GSTT2B: variants seen among roughly 807,000 people sequenced by gnomAD.
The protein encoded by GSTT2B is glutathione S-transferase theta-2B.
A neutral mutation model predicts 16.6 loss-of-function variants in GSTT2B; 4 were observed. The ratio of observed to expected loss-of-function variants is 0.24; its 90% CI spans 0.12 to 0.55. The LOEUF is 0.55. Ranked by LOEUF, GSTT2B falls within the 20% of genes least tolerant of loss-of-function variation. The pLI is 0.94. For synonymous variants in GSTT2B, 9 were observed against 110.9 expected, an observed-to-expected ratio of 0.08 and a Z score of 5.77; for missense variants, 27 against 266.1, an observed-to-expected ratio of 0.10 and a Z score of 6.25.
intron 2 of GSTT2B, among the ~76,000 whole-genome samples, 200 bp downstream of exon 2, chr22:23,960,094 T>C (rs1237682094): frequency 2.0e-5 from 3 of 149,464 alleles, no homozygotes; most frequent in Non-Finnish European, 4.5e-5. Context: ...CTCGGTCTCC[T>C]GACCTCGTGA....
At position 23,959,588 on chromosome 22, in the gene GSTT2B, C is replaced by T. The variant is rs1489740398; in HGVS notation, c.200+706G>A. Among the ~76,000 whole-genome samples the T allele has an allele frequency of 9.9e-5, 10 of 101,244 alleles. 1 individual carries two copies. Among genetic ancestry groups the T allele is most frequent in the African/African-American group, 3.1e-4 (10 of 32,660 alleles). The allele number at this position is 101,244 out of a possible 152,430, so 66.4% of individuals were successfully genotyped here. A position where few individuals can be genotyped will look rare whatever the true frequency, so the allele number is the denominator to read the frequency against. On this transcript the variant is annotated intron_variant, in intron 2 of 4. Transcript: ENST00000290765. ...TTTTTGAGACGGAGTCTCCCTCTGT[C>T]GCCCAGGCTGGAGTGGGCTCCCTCT...
chr22:23,960,639 G>A (rs1230018633), intron 1 of GSTT2B, among the ~76,000 whole-genome samples: 3 of 104,522 alleles, frequency 2.9e-5, no homozygotes, highest in Non-Finnish European at 6.8e-5. Context: ...GTGGGCCAGG[G>A]GAGGGGAGGC....
intron 2 of GSTT2B, among the ~76,000 whole-genome samples, 187 bp downstream of exon 2, chr22:23,960,107 C>T (rs1361908468): frequency 4.0e-5 from 6 of 149,270 alleles, no homozygotes; most frequent in African/African-American, 1.2e-4. Context: ...CCTCGTGATC[C>T]GCCCGCCTTG....
At chr22:23,960,790 C>T (rs2146205219) in intron 1 of GSTT2B, among the ~76,000 whole-genome samples, 1 of 138,236 alleles carries the variant, frequency 7.2e-6, no homozygotes, top group Non-Finnish European at 1.6e-5. Context: ...ATTTTCTTTC[C>T]ATCCCTACAG....
At position 23,960,573 on chromosome 22, in the gene GSTT2B, G is replaced by C. The variant is rs1225953026; in HGVS notation, c.113-192C>G. Among the ~76,000 whole-genome samples, 120 of 93,862 alleles carry C rather than the reference G, an allele frequency of 1.3e-3. 1 individual carries two copies. The highest frequency in any genetic ancestry group is 3.6e-3 in the African/African-American group (112 of 31,406). The allele number at this position is 93,862 out of a possible 152,430, so 61.6% of individuals were successfully genotyped here. On this transcript the variant is annotated intron_variant, in intron 1 of 4. Transcript: ENST00000290765. ...ATTCCGGGGCAGCTGGGGGGCTTTG[G>C]TGGGTGGGGCCAGGTGCAGCAGGTG...
At chr22:23,959,709 C>T (rs1322234897) in intron 2 of GSTT2B, among the ~76,000 whole-genome samples, 1 of 102,492 alleles carries the variant, frequency 9.8e-6, no homozygotes, top group African/African-American at 3.0e-5. Flanking sequence ...TCCCCAGTAG[C>T]TGGGACTACA....
chr22:23,959,659 G>T (rs1379578833), intron 2 of GSTT2B, among the ~76,000 whole-genome samples: 1 of 103,344 alleles, frequency 9.7e-6, no homozygotes, highest in Non-Finnish European at 2.3e-5. Flanking sequence ...CTCATTGCAA[G>T]CTCCGCCTCC....
rs1470343578 is a variant in GSTT2B at position 23,960,817 on chromosome 22, ATCC to A, written c.112+200_112+202del. 1.4e-5 allele frequency among the ~76,000 whole-genome samples: 2 copies of A among 145,534 alleles called. 1 individual carries two copies. The highest frequency in any genetic ancestry group is 3.1e-5 in the Non-Finnish European group (2 of 65,278). ...TCCCTACAGAGCAGAAGGTAACATT[ATCC>A]TCCTTTTCAGAAGGCAAGCTAAGGT... On this transcript the variant is annotated intron_variant, in intron 1 of 4. Transcript: ENST00000290765.
chr22:23,961,041 G>C lies in GSTT2B; in HGVS notation c.91C>G (p.Arg31Gly). 1 of 553,302 alleles carries C rather than the reference G, an allele frequency of 1.8e-6. No individual in the cohort carries two copies. Among genetic ancestry groups the C allele is most frequent in the East Asian group, 3.2e-5 (1 of 31,050 alleles). 34.3% of individuals were successfully genotyped at this position (553,302 alleles called of 1,614,324 possible). A position where few individuals can be genotyped will look rare whatever the true frequency, so the allele number is the denominator to read the frequency against. ...AKKNGIPLEL[R>G]TVDLVKGQHK... ...CCACCTTTGACCAAATCCACGGTGC[G>C]CAGCTCTAAGGGGATGCCATTCTTC... The change falls in exon 1 of 5, where the codon CGC becomes GGC. Residue 31 changes from arginine to glycine, a missense_variant. Transcript: ENST00000290765.
chr22:23,959,572 C>T (rs1442770270), intron 2 of GSTT2B, among the ~76,000 whole-genome samples: 2 of 100,674 alleles, frequency 2.0e-5, no homozygotes, highest in African/African-American at 3.1e-5. Context: ...TTTTTTGAGA[C>T]GGAGTCTCCC....
intron 2 of GSTT2B, among the ~76,000 whole-genome samples, chr22:23,959,708 G>A (rs571797617): frequency 2.0e-5 from 2 of 102,560 alleles, no homozygotes; most frequent in East Asian, 5.3e-4. Flanking sequence ...CTCCCCAGTA[G>A]CTGGGACTAC....
At chr22:23,960,217 CTGGGGCCCGGGGCCAG>C (rs1465130793) in intron 2 of GSTT2B, 61 bp downstream of exon 2, 1 of 1,456,578 alleles carries the variant, frequency 6.9e-7, no homozygotes, top group Non-Finnish European at 9.5e-7. Flanking sequence ...GGGAGGGCCA[CTGGGGCCCGGGGCCAG>C]TGGGGAGAGC....
At chr22:23,960,623 A>G (rs1204882549) in intron 1 of GSTT2B, among the ~76,000 whole-genome samples, 3 of 101,288 alleles carry the variant, frequency 3.0e-5, no homozygotes, top group African/African-American at 8.9e-5. Flanking sequence ...TTCTAGCCGG[A>G]CTCTGGTGGG....
At chr22:23,960,416 T>G in intron 1 of GSTT2B, 35 bp from the exon 2 acceptor site, 1 of 1,572,012 alleles carries the variant, frequency 6.4e-7, no homozygotes, top group East Asian at 2.3e-5. Flanking sequence ...GTCTTCAGAA[T>G]AAAAACGCTG....
In GSTT2B at chr22:23,959,540, C is replaced by A. The variant is rs1349682994; in HGVS notation, c.200+754G>T. Among the ~76,000 whole-genome samples the A allele has an allele frequency of 2.0e-5, 2 of 101,398 alleles. 1 individual carries two copies. The highest frequency in any genetic ancestry group is 6.1e-5 in the African/African-American group (2 of 32,778). 66.5% of individuals were successfully genotyped at this position (101,398 alleles called of 152,430 possible). The stretch of plus-strand genomic sequence containing the variant: ...CAAGCTGTACCTTCTCCCCAGATAC[C>A]TCTCCTTTCTTTCTTTCCTTTTTTT... On this transcript the variant is annotated intron_variant, in intron 2 of 4. Coordinates refer to ENST00000290765, the MANE Select transcript of GSTT2B (RefSeq NM_001080843.4).
intron 4 of GSTT2B, 27 bp from the exon 5 acceptor site, chr22:23,957,959 TGGGC>T: frequency 2.7e-6 from 4 of 1,457,682 alleles, no homozygotes; most frequent in Non-Finnish European, 3.8e-6. Context: ...GAAAAAGTTG[TGGGC>T]ATACAACTTT....
intron 2 of GSTT2B, 48 bp downstream of exon 2, chr22:23,960,246 A>T: frequency 6.2e-7 from 1 of 1,606,420 alleles, no homozygotes; most frequent in Non-Finnish European, 8.5e-7. Flanking sequence ...GGGAGAGCCA[A>T]GGTCACATGG....
chr22:23,960,653 CTG>C (rs1273711896), intron 1 of GSTT2B, among the ~76,000 whole-genome samples: 2 of 106,380 alleles, frequency 1.9e-5, no homozygotes, highest in African/African-American at 5.8e-5. Flanking sequence ...GGGAGGCAAA[CTG>C]GGGTGGCTCA....
chr22:23,960,030 A>AC (rs1402391667), intron 2 of GSTT2B, among the ~76,000 whole-genome samples: 14,015 of 137,144 alleles, frequency 0.1, 950 homozygotes, highest in African/African-American at 0.18. Flanking sequence ...CGCCCGGTTA[A>AC]TTTTTTTTCC....
Sources: allele counts gnomAD v4.1 joint callset (sites outside exome capture counted in the v4.1 genomes callset), GRCh38; gene constraint gnomAD v4.1.1; transcripts MANE v1.5; gene names NCBI Gene and HGNC (gene_info 2026-07-23, HGNC 2026-07-21).